Variants in LRP1B observed in about 807,000 individuals in gnomAD.
LRP1B encodes the protein low-density lipoprotein receptor-related protein 1B.
LRP1B carries 217 observed loss-of-function variants against 556.6 expected under a neutral mutation model. The observed-to-expected ratio is 0.39, with a 90% CI of 0.35 to 0.44. The LOEUF (loss-of-function observed/expected upper bound fraction) is 0.44. Ranked by LOEUF, LRP1B falls within the 20% of genes least tolerant of loss-of-function variation. The pLI is 1.00. For missense variants in LRP1B, 5,053 were observed against 5,620.8 expected (o/e 0.90, Z 3.23); for synonymous variants, 2,047 against 1,865.8 (o/e 1.10, Z -2.50).
chr2:141,120,315 CTT>C (rs1701015169), intron 7 of LRP1B, among the ~76,000 whole-genome samples: 1 of 151,826 alleles, frequency 6.6e-6, no homozygotes, highest in South Asian at 2.1e-4. Context: ...GATGATGTGA[CTT>C]TTGTCTATTA....
intron 1 of LRP1B, among the ~76,000 whole-genome samples, chr2:141,849,366 G>A (rs1036798485): frequency 4.0e-5 from 6 of 151,314 alleles, no homozygotes; most frequent in African/African-American, 9.7e-5. Context: ...GTTCATAATC[G>A]AATTATCACT....
intron 7 of LRP1B, among the ~76,000 whole-genome samples, chr2:141,138,780 G>T (rs1701553473): frequency 6.6e-6 from 1 of 151,806 alleles, no homozygotes; most frequent in Non-Finnish European, 1.5e-5. Context: ...ATATTGTCAA[G>T]ATGTCTGTTC....
At chr2:140,927,708 C>CTTTTTTT (rs11441032) in intron 20 of LRP1B, among the ~76,000 whole-genome samples, 2 of 116,102 alleles carry the variant, frequency 1.7e-5, no homozygotes, top group African/African-American at 3.3e-5. Flanking sequence ...ACGAGGAAGG[C>CTTTTTTT]TTTTTTTTTT....
chr2:140,239,300 G>C (rs1558918402), intron 88 of LRP1B, 142 bp downstream of exon 88: 7 of 521,402 alleles, frequency 1.3e-5, no homozygotes, highest in Non-Finnish European at 2.1e-5. Context: ...TAAAAGAGAG[G>C]TATAAAATGA....
intron 7 of LRP1B, among the ~76,000 whole-genome samples, chr2:141,093,418 G>A (rs1301644832): frequency 1.3e-5 from 2 of 152,140 alleles, no homozygotes; most frequent in Non-Finnish European, 2.9e-5. Flanking sequence ...GTATAGCGTA[G>A]AAGGAATAAC....
At chr2:140,333,196 C>T (rs1680900176) in intron 79 of LRP1B, among the ~76,000 whole-genome samples, 1 of 152,076 alleles carries the variant, frequency 6.6e-6, no homozygotes, top group African/African-American at 2.4e-5. Context: ...TCACTTGCTG[C>T]CTCTCTTTAG....
At chr2:141,730,546 G>T (rs1218570768) in intron 2 of LRP1B, among the ~76,000 whole-genome samples, 3 of 152,112 alleles carry the variant, frequency 2.0e-5, no homozygotes, top group Non-Finnish European at 4.4e-5. Context: ...GTCCAAGTCA[G>T]ATGTTTCTGG....
chr2:141,874,083 AATTTTTTTTTTTTTTTT>A (rs1698678089), intron 1 of LRP1B, among the ~76,000 whole-genome samples: 1 of 121,434 alleles, frequency 8.2e-6, no homozygotes, highest in African/African-American at 3.1e-5. Flanking sequence ...ATGAACTAAC[AATTTTTTTTTTTTTTTT>A]TTTTTTTTTT....
intron 1 of LRP1B, among the ~76,000 whole-genome samples, chr2:141,820,970 T>G (rs761392684): frequency 6.6e-6 from 1 of 152,212 alleles, no homozygotes; most frequent in Non-Finnish European, 1.5e-5. Flanking sequence ...TATCCTAGAT[T>G]ATCCTAGTGG....
chr2:141,636,160 T>C (rs758280677), intron 2 of LRP1B, among the ~76,000 whole-genome samples: 3 of 152,090 alleles, frequency 2.0e-5, no homozygotes, highest in Non-Finnish European at 4.4e-5. Context: ...AATATCCACT[T>C]ATAAAAAGAA....
chr2:141,290,943 T>C (rs1172270477), intron 3 of LRP1B, among the ~76,000 whole-genome samples: 3 of 152,148 alleles, frequency 2.0e-5, no homozygotes, highest in Non-Finnish European at 4.4e-5. Context: ...GAAATGTATC[T>C]CTATTCAAGT....
intron 23 of LRP1B, among the ~76,000 whole-genome samples, chr2:140,900,368 CA>C (rs1320629867): frequency 6.6e-6 from 1 of 152,116 alleles, no homozygotes; most frequent in African/African-American, 2.4e-5. Context: ...CTTTTTCATT[CA>C]AAACACATAG....
chr2:142,076,433 C>T (rs538947338), intron 1 of LRP1B, among the ~76,000 whole-genome samples: 10 of 152,140 alleles, frequency 6.6e-5, no homozygotes, highest in African/African-American at 2.4e-4. Flanking sequence ...CTTAATACTC[C>T]TTGCTAAGGG....
At chr2:140,419,647 A>G (rs1006134885) in intron 66 of LRP1B, among the ~76,000 whole-genome samples, 19 of 152,334 alleles carry the variant, frequency 1.2e-4, no homozygotes, top group South Asian at 2.1e-4. Flanking sequence ...AAAAAGCTGG[A>G]ATATCCCAAA....
chr2:141,896,194 G>C (rs950822033), intron 1 of LRP1B, among the ~76,000 whole-genome samples: 2 of 152,060 alleles, frequency 1.3e-5, no homozygotes, highest in African/African-American at 4.8e-5. Context: ...ATAATATATA[G>C]AAAGTCTCAA....
chr2:140,954,200 C>T (rs899718161), intron 18 of LRP1B, among the ~76,000 whole-genome samples: 8 of 152,098 alleles, frequency 5.3e-5, no homozygotes, highest in African/African-American at 1.4e-4. Context: ...AGAATCAGCA[C>T]GAACGTTGTC....
At chr2:140,856,184 C>A (rs951071613) in intron 27 of LRP1B, among the ~76,000 whole-genome samples, 4 of 152,192 alleles carry the variant, frequency 2.6e-5, no homozygotes, top group African/African-American at 9.6e-5. Context: ...CGTCACTATT[C>A]CCTAAATATC....
chr2:141,554,610 G>T (rs757195056), intron 2 of LRP1B, among the ~76,000 whole-genome samples: 2 of 151,742 alleles, frequency 1.3e-5, no homozygotes, highest in Non-Finnish European at 2.9e-5. Context: ...GTAAATCAAA[G>T]AAATCTCAAA....
intron 87 of LRP1B, among the ~76,000 whole-genome samples, chr2:140,244,312 A>G (rs566364156): frequency 2.1e-4 from 32 of 151,434 alleles, no homozygotes; most frequent in Non-Finnish European, 3.0e-4. Context: ...AAAGAGATAC[A>G]ATGACCCCCT....
Sources: gnomAD v4.1 joint callset for allele counts (sites outside exome capture counted in the v4.1 genomes callset) on GRCh38, gnomAD v4.1.1 for gene constraint, MANE v1.5 for transcripts, NCBI Gene and HGNC (gene_info 2026-07-23, HGNC 2026-07-21) for gene names.